The following LIMD1 variants were observed in gnomAD, a reference collection of about 807,000 sequenced individuals.
The protein encoded by LIMD1 is LIM domain containing 1.
In LIMD1, 23 loss-of-function variants were observed where a neutral mutation model predicts 58.4. The ratio of observed to expected loss-of-function variants is 0.39; its 90% CI spans 0.28 to 0.56. The LOEUF (loss-of-function observed/expected upper bound fraction) is 0.56. Ranked by LOEUF, LIMD1 falls within the 20% of genes least tolerant of loss-of-function variation. LIMD1 has a pLI of 0.57. For missense variants in LIMD1, 838 were observed against 855.5 expected (o/e 0.98, Z 0.25); for synonymous variants, 334 against 345.5 (o/e 0.97, Z 0.37).
chr3:45,636,696 A>G (rs1192940759), intron 2 of LIMD1, among the ~76,000 whole-genome samples: 1 of 151,832 alleles, frequency 6.6e-6, no homozygotes, highest in East Asian at 1.9e-4. Flanking sequence ...CTCTGTAACC[A>G]CCTCCCTAAC....
chr3:45,675,718 A>G (rs1697658079), intron 7 of LIMD1, among the ~76,000 whole-genome samples: 1 of 152,230 alleles, frequency 6.6e-6, no homozygotes, highest in Admixed American at 6.5e-5. Context: ...TATTCGGTTC[A>G]AAATATCCAG....
chr3:45,608,752 A>G (rs2125650106), intron 1 of LIMD1, among the ~76,000 whole-genome samples: 1 of 148,908 alleles, frequency 6.7e-6, no homozygotes, highest in African/African-American at 2.5e-5. Context: ...AGGCAGGAGA[A>G]TTGCTTGAAC....
Position 45,660,405 on chromosome 3 carries a change from C to CTTT in LIMD1, c.1511-5222_1511-5220dup, listed in dbSNP as rs869301368. Among the ~76,000 whole-genome samples, 96 of 79,992 alleles carry CTTT rather than the reference C, an allele frequency of 1.2e-3. 2 individuals are homozygous for CTTT. Among genetic ancestry groups the CTTT allele is most frequent in the African/African-American group, 4.0e-3 (84 of 21,142 alleles). The allele number at this position is 79,992 out of a possible 152,430, so 52.5% of individuals were successfully genotyped here. On this transcript the variant is annotated intron_variant, in intron 2 of 7. Transcript: ENST00000273317. ...AGCAAGCTTCTCTTAGGTGGGCTGT[C>CTTT]TTTTTTTTTTTTTTTTTTTTTTTTT...
intron 1 of LIMD1, among the ~76,000 whole-genome samples, chr3:45,608,587 C>T (rs559603479): frequency 6.6e-6 from 1 of 152,278 alleles, no homozygotes; most frequent in South Asian, 2.1e-4. Context: ...CACCTATAAT[C>T]CCAACACTTT....
chr3:45,597,224 A>G (rs1701366632), intron 1 of LIMD1, among the ~76,000 whole-genome samples: 1 of 152,110 alleles, frequency 6.6e-6, no homozygotes. Context: ...AACTGATTAG[A>G]AATGGAAATT....
At chr3:45,623,614 AG>A (rs1211221114) in intron 1 of LIMD1, among the ~76,000 whole-genome samples, 1 of 152,182 alleles carries the variant, frequency 6.6e-6, no homozygotes, top group East Asian at 1.9e-4. Context: ...GAAAAAAAGT[AG>A]GCTGGCACAA....
chr3:45,658,617 G>A (rs1697380653), intron 2 of LIMD1, among the ~76,000 whole-genome samples: 1 of 123,424 alleles, frequency 8.1e-6, no homozygotes, highest in Non-Finnish European at 1.6e-5. Flanking sequence ...GTGCAATGGT[G>A]TGATCTCAGC....
At chr3:45,622,061 CAA>C (rs34085619) in intron 1 of LIMD1, among the ~76,000 whole-genome samples, 15 of 108,548 alleles carry the variant, frequency 1.4e-4, no homozygotes, top group African/African-American at 1.8e-4. Flanking sequence ...GACTCCATCT[CAA>C]AAAAAAAAAA....
Position 45,595,466 on chromosome 3 carries a change from T to C in LIMD1, c.587T>C (p.Val196Ala). 1.2e-6 allele frequency: 2 copies of C among 1,613,596 alleles called. No homozygotes were observed. The highest frequency in any genetic ancestry group is 1.7e-6 in the Non-Finnish European group (2 of 1,179,784). ...ASPKWGDKPG[V>A]SPSIGLSVGS... ...CCAAAGTGGGGTGACAAACCAGGAGTGTCCCCCAGCATCGGCCTGAGTGTA... is the reference window on the plus strand; with the variant it reads ...CCAAAGTGGGGTGACAAACCAGGAGCGTCCCCCAGCATCGGCCTGAGTGTA... The change falls in exon 1 of 8, where the codon GTG (valine) becomes GCG (alanine). Residue 196 changes from valine (V) to alanine (A), a missense_variant. By Grantham distance (64) the Val-to-Ala change is moderately conservative (BLOSUM62 0). Around this residue, in one of 3 missense-constraint regions of LIMD1, gnomAD observed 659 missense variants for 639.8 expected, o/e 1.03. Transcript: ENST00000273317.
intron 2 of LIMD1, among the ~76,000 whole-genome samples, chr3:45,659,622 T>G (rs1451985327): frequency 6.7e-6 from 1 of 149,112 alleles, no homozygotes; most frequent in Non-Finnish European, 1.5e-5. Flanking sequence ...CAAACATATA[T>G]ATATGCTATA....
intron 1 of LIMD1, chr3:45,613,073 A>G (rs886243195): frequency 6.0e-5 from 9 of 150,650 alleles, no homozygotes; most frequent in African/African-American, 2.2e-4. Context: ...TGCTGTTTCA[A>G]ATGGCCCCCA....
chr3:45,596,092 C>G lies in LIMD1; in HGVS notation c.1213C>G (p.Pro405Ala). Residue 405 changes from proline to alanine, a missense_variant, in exon 1 of 8, where the codon CCC (proline) becomes GCC (alanine). Coordinates refer to ENST00000273317, the MANE Select transcript of LIMD1 (RefSeq NM_014240.3). ...GCCTGAGTTATCTTGTAAAGAGGGT[C>G]CCCTGGGCTGGTCTTCTGATGGTAG... is the stretch of plus-strand genomic sequence containing the variant. ...TLPELSCKEG[P>A]LGWSSDGSLG... The G allele has an allele frequency of 6.2e-7, 1 of 1,614,160 alleles. No homozygotes were observed. Among genetic ancestry groups the G allele is most frequent in the Non-Finnish European group, 8.5e-7 (1 of 1,180,004 alleles).
At chr3:45,643,079 A>C (rs1420331964) in intron 2 of LIMD1, among the ~76,000 whole-genome samples, 1 of 152,156 alleles carries the variant, frequency 6.6e-6, no homozygotes, top group Non-Finnish European at 1.5e-5. Flanking sequence ...CTTACATGTC[A>C]AGTGGCCTGT....
intron 1 of LIMD1, among the ~76,000 whole-genome samples, chr3:45,610,790 CTG>C (rs1215544828): frequency 3.3e-5 from 5 of 152,168 alleles, no homozygotes; most frequent in African/African-American, 1.2e-4. Context: ...CCACGTGCAA[CTG>C]TGAAGTACTT....
At position 45,674,682 on chromosome 3, in the gene LIMD1, G is replaced by C. The variant is rs891014922; in HGVS notation, c.1893+271G>C. The C allele has an allele frequency of 1.7e-5, 6 of 361,260 alleles. No homozygotes were observed. In the East Asian group the frequency reaches 2.7e-4, roughly 16 times the overall value. The allele number at this position is 361,260 out of a possible 1,614,324, so 22.4% of individuals were successfully genotyped here. Reference sequence around the variant, plus strand: ...CTCCCTGAAGCTGCAGAGCTAGGAGGGTCGTGGAGAGCATGGGTTTCAGGT... The same window carrying C: ...CTCCCTGAAGCTGCAGAGCTAGGAGCGTCGTGGAGAGCATGGGTTTCAGGT... On this transcript the variant is annotated intron_variant, in intron 7 of 7. Coordinates refer to ENST00000273317, the MANE Select transcript of LIMD1 (RefSeq NM_014240.3).
chr3:45,673,676 G>A, intron 6 of LIMD1, 171 bp downstream of exon 6: 1 of 635,154 alleles, frequency 1.6e-6, no homozygotes, highest in East Asian at 2.7e-5. Context: ...CCTTTTAGGA[G>A]GCCCAGGCAG....
chr3:45,599,081 C>A (rs570184213), intron 1 of LIMD1, among the ~76,000 whole-genome samples: 1 of 152,102 alleles, frequency 6.6e-6, no homozygotes, highest in Non-Finnish European at 1.5e-5. Flanking sequence ...ATGTGTCTAA[C>A]CAGCATTGCC....
chr3:45,614,787 G>GT (rs1559515416), intron 1 of LIMD1, among the ~76,000 whole-genome samples: 3 of 131,878 alleles, frequency 2.3e-5, no homozygotes, highest in Admixed American at 1.5e-4. Context: ...TTTTTTTGCC[G>GT]TTTTTTAAAC....
intron 7 of LIMD1, among the ~76,000 whole-genome samples, chr3:45,675,608 T>TAAAAG (rs199656696): frequency 1.3e-4 from 12 of 92,188 alleles, no homozygotes; most frequent in African/African-American, 3.4e-4. Context: ...ATTAAAACGT[T>TAAAAG]AAAGAATTAT....
Sources: allele counts gnomAD v4.1 joint callset (sites outside exome capture counted in the v4.1 genomes callset), GRCh38; gene constraint gnomAD v4.1.1; regional missense constraint gnomAD v4.1.1; transcripts MANE v1.5; gene names NCBI Gene and HGNC (gene_info 2026-07-23, HGNC 2026-07-21).